The following FNDC3A variants were observed in gnomAD, a reference collection of about 807,000 sequenced individuals.
The protein encoded by FNDC3A is fibronectin type III domain containing 3A, also known as fibronectin type-III domain-containing protein 3A.
In FNDC3A, 32 loss-of-function variants were observed where a neutral mutation model predicts 148.9. The ratio of observed to expected loss-of-function variants is 0.21; its 90% CI spans 0.16 to 0.29. The LOEUF (loss-of-function observed/expected upper bound fraction) is 0.29, where lower values mean the gene tolerates loss of function less well. Among genes scored for constraint, FNDC3A ranks in the 10% least tolerant of loss-of-function variants. The pLI, the probability that FNDC3A is intolerant of heterozygous loss-of-function variation, is 1.00. For missense variants in FNDC3A, 1,191 were observed against 1,452.8 expected, an observed-to-expected ratio of 0.82 and a Z score of 2.93; for synonymous variants, 472 against 473.6, an observed-to-expected ratio of 1.00 and a Z score of 0.04.
intron 5 of FNDC3A, among the ~76,000 whole-genome samples, chr13:49,135,169 T>C (rs1213608510): frequency 6.6e-6 from 1 of 152,130 alleles, no homozygotes; most frequent in Non-Finnish European, 1.5e-5. Flanking sequence ...TCATATATTT[T>C]CTTTGGAGAA....
intron 1 of FNDC3A, among the ~76,000 whole-genome samples, chr13:48,988,740 A>G (rs1358170723): frequency 6.6e-6 from 1 of 151,504 alleles, no homozygotes; most frequent in African/African-American, 2.4e-5. Context: ...AGTTCCAGCT[A>G]CTTTGGAGGC....
intron 11 of FNDC3A, among the ~76,000 whole-genome samples, chr13:49,173,410 A>G (rs573950922): frequency 1.1e-4 from 17 of 152,350 alleles, no homozygotes; most frequent in African/African-American, 3.8e-4. Context: ...AAAAATTACC[A>G]TTCATCTCAG....
intron 2 of FNDC3A, among the ~76,000 whole-genome samples, chr13:49,052,747 G>A (rs1875932683): frequency 6.6e-6 from 1 of 152,136 alleles, no homozygotes; most frequent in Admixed American, 6.5e-5. Context: ...TAAGTTTTCA[G>A]GTGTCTCAGG....
intron 1 of FNDC3A, among the ~76,000 whole-genome samples, chr13:49,002,927 A>G (rs1275214478): frequency 6.6e-6 from 1 of 152,180 alleles, no homozygotes; most frequent in Non-Finnish European, 1.5e-5. Context: ...ACTGGGTCCT[A>G]GAGGATGCAT....
At chr13:49,009,646 G>A (rs930604184) in intron 2 of FNDC3A, among the ~76,000 whole-genome samples, 1 of 152,198 alleles carries the variant, frequency 6.6e-6, no homozygotes, top group Non-Finnish European at 1.5e-5. Context: ...TGTGTGCCCT[G>A]TTAGAACCTC....
intron 23 of FNDC3A, among the ~76,000 whole-genome samples, chr13:49,199,602 A>G (rs989342376): frequency 5.3e-5 from 8 of 152,140 alleles, no homozygotes; most frequent in Non-Finnish European, 8.8e-5. Context: ...CTGGGATTAC[A>G]GGCGTGAGCC....
chr13:49,079,708 A>T (rs1878346804), intron 3 of FNDC3A, among the ~76,000 whole-genome samples: 2 of 152,222 alleles, frequency 1.3e-5, no homozygotes, highest in South Asian at 4.1e-4. Context: ...TAATCTTTCA[A>T]ATACACTCCT....
intron 4 of FNDC3A, among the ~76,000 whole-genome samples, chr13:49,127,291 C>T (rs1881759491): frequency 2.0e-5 from 3 of 152,322 alleles, no homozygotes; most frequent in Admixed American, 6.5e-5. Context: ...AACAAAACAT[C>T]AAAGTTTCTT....
chr13:49,200,260 C>G (rs1364627417), intron 23 of FNDC3A, among the ~76,000 whole-genome samples: 3 of 152,140 alleles, frequency 2.0e-5, no homozygotes, highest in Non-Finnish European at 4.4e-5. Context: ...CATAACCACT[C>G]TCTATCAGAA....
At chr13:49,022,687 C>T (rs1472632754) in intron 2 of FNDC3A, among the ~76,000 whole-genome samples, 1 of 152,106 alleles carries the variant, frequency 6.6e-6, no homozygotes, top group East Asian at 1.9e-4. Context: ...CATCTTCTAA[C>T]TGCTATGCAG....
intron 4 of FNDC3A, among the ~76,000 whole-genome samples, chr13:49,123,313 G>A (rs1881480738): frequency 6.6e-6 from 1 of 151,996 alleles, no homozygotes; most frequent in Non-Finnish European, 1.5e-5. Context: ...AACTGAAACT[G>A]GACCCTTTCC....
At chr13:49,047,247 T>C (rs952531860) in intron 2 of FNDC3A, among the ~76,000 whole-genome samples, 2 of 152,168 alleles carry the variant, frequency 1.3e-5, no homozygotes, top group African/African-American at 4.8e-5. Flanking sequence ...GGTTACATAT[T>C]TTTGCAGTTG....
At chr13:49,119,550 G>C (rs889105460) in intron 4 of FNDC3A, among the ~76,000 whole-genome samples, 3 of 152,004 alleles carry the variant, frequency 2.0e-5, no homozygotes, top group Non-Finnish European at 4.4e-5. Flanking sequence ...CTGAGCTAAA[G>C]GAGCATGTTC....
intron 14 of FNDC3A, among the ~76,000 whole-genome samples, chr13:49,183,754 C>T (rs1036776629): frequency 6.6e-6 from 1 of 152,192 alleles, no homozygotes; most frequent in Non-Finnish European, 1.5e-5. Context: ...CTGAGGAAGC[C>T]TGAGCAAAAT....
At chr13:49,052,426 C>G (rs986032482) in intron 2 of FNDC3A, among the ~76,000 whole-genome samples, 1 of 152,030 alleles carries the variant, frequency 6.6e-6, no homozygotes, top group Non-Finnish European at 1.5e-5. Flanking sequence ...TTCCTGAGAG[C>G]TGAACTTTTT....
At chr13:49,149,172 T>C (rs1182793730) in intron 8 of FNDC3A, among the ~76,000 whole-genome samples, 2 of 152,070 alleles carry the variant, frequency 1.3e-5, no homozygotes, top group Non-Finnish European at 2.9e-5. Flanking sequence ...ACTTTTTTTT[T>C]TTTTTTAATC....
At chr13:49,020,132 G>A (rs1873209756) in intron 2 of FNDC3A, among the ~76,000 whole-genome samples, 1 of 152,084 alleles carries the variant, frequency 6.6e-6, no homozygotes, top group South Asian at 2.1e-4. Context: ...AACTATTTAA[G>A]CACTTATGAT....
At chr13:49,062,572 T>C (rs1876972528) in intron 2 of FNDC3A, among the ~76,000 whole-genome samples, 2 of 152,214 alleles carry the variant, frequency 1.3e-5, no homozygotes, top group South Asian at 4.1e-4. Context: ...GTACACATTA[T>C]ATGTGCCCTC....
chr13:49,074,959 A>G (rs955947182), intron 2 of FNDC3A, among the ~76,000 whole-genome samples: 7 of 152,326 alleles, frequency 4.6e-5, no homozygotes, highest in African/African-American at 1.7e-4. Flanking sequence ...GAAAAACATG[A>G]TACTTAGCAA....
Sources: gnomAD v4.1 joint callset for allele counts (sites outside exome capture counted in the v4.1 genomes callset) on GRCh38, gnomAD v4.1.1 for gene constraint, MANE v1.5 for transcripts, NCBI Gene and HGNC (gene_info 2026-07-23, HGNC 2026-07-21) for gene names.